TTLL11: variants seen among roughly 807,000 people sequenced by gnomAD.
TTLL11 encodes the protein tubulin tyrosine ligase like 11, also known as tubulin polyglutamylase TTLL11.
TTLL11 carries 42 observed loss-of-function variants against 51.7 expected under a neutral mutation model. The ratio of observed to expected loss-of-function variants is 0.81; its 90% CI spans 0.64 to 1.05. TTLL11 has a LOEUF of 1.05. Among genes scored for constraint, TTLL11 ranks in the 50% least tolerant of loss-of-function variants. The pLI is 0.00. For synonymous variants in TTLL11, 381 were observed against 383.5 expected, an observed-to-expected ratio of 0.99 and a Z score of 0.08; for missense variants, 799 against 940.4, an observed-to-expected ratio of 0.85 and a Z score of 1.97.
At chr9:121,971,183 G>A (rs1257792557) in intron 6 of TTLL11, among the ~76,000 whole-genome samples, 3 of 88,562 alleles carry the variant, frequency 3.4e-5, no homozygotes, top group Admixed American at 1.1e-4. Flanking sequence ...TCAGCCCCCC[G>A]CCCGGCCAGC....
chr9:121,887,993 T>C (rs1013111156), intron 6 of TTLL11, among the ~76,000 whole-genome samples: 1 of 152,140 alleles, frequency 6.6e-6, no homozygotes, highest in Non-Finnish European at 1.5e-5. Context: ...CTGCCCTGGC[T>C]ATTGGAACCT....
chr9:122,035,708 C>A (rs530485123), intron 2 of TTLL11, among the ~76,000 whole-genome samples: 1 of 152,192 alleles, frequency 6.6e-6, no homozygotes, highest in Non-Finnish European at 1.5e-5. Context: ...GCAGCAGACT[C>A]TTAGCTACAT....
chr9:121,891,304 C>T (rs1306693604), intron 6 of TTLL11, among the ~76,000 whole-genome samples: 3 of 152,272 alleles, frequency 2.0e-5, no homozygotes, highest in Admixed American at 6.5e-5. Flanking sequence ...GAAACAATGG[C>T]GATGCCACTC....
At chr9:121,851,674 C>T (rs1049980032) in intron 8 of TTLL11, among the ~76,000 whole-genome samples, 14 of 152,186 alleles carry the variant, frequency 9.2e-5, no homozygotes, top group South Asian at 2.1e-4. Context: ...GCCCCTAACC[C>T]GTCCCATCCT....
chr9:121,880,047 C>T (rs1838725222), intron 6 of TTLL11, among the ~76,000 whole-genome samples: 1 of 151,918 alleles, frequency 6.6e-6, no homozygotes. Context: ...CCAGAGTGGC[C>T]AAAATTCTGA....
chr9:121,938,517 A>G (rs1363108567), intron 6 of TTLL11, among the ~76,000 whole-genome samples: 1 of 152,230 alleles, frequency 6.6e-6, no homozygotes. Context: ...CTAAGAGACC[A>G]TATGTATAAC....
At chr9:121,867,395 C>T (rs1276584390) in intron 7 of TTLL11, among the ~76,000 whole-genome samples, 3 of 152,198 alleles carry the variant, frequency 2.0e-5, no homozygotes, top group Non-Finnish European at 4.4e-5. Context: ...CTTGTCTACC[C>T]AGCCCTCTGT....
Position 121,821,063 on chromosome 9 carries a change from G to A in TTLL11, c.*1524C>T, listed in dbSNP as rs886416957. Among the ~76,000 whole-genome samples the A allele has an allele frequency of 3.3e-5, 5 of 152,034 alleles. No individual in the cohort carries two copies. Among genetic ancestry groups the A allele is most frequent in the Non-Finnish European group, 5.9e-5 (4 of 67,996 alleles). On this transcript the variant is annotated 3_prime_UTR_variant, in exon 9 of 9. Transcript: ENST00000321582. The surrounding 1 kb of genome is among the most constrained non-coding windows in gnomAD (Gnocchi z 5.0). ...ACAGAGCAGCCCCTGCTCTGAAATC[G>A]CTTGCCAACAATTGGAGACATCTTG...
intron 6 of TTLL11, among the ~76,000 whole-genome samples, chr9:121,902,407 T>C (rs994790132): frequency 6.6e-6 from 1 of 152,210 alleles, no homozygotes; most frequent in African/African-American, 2.4e-5. Context: ...ACTTTTTCCA[T>C]TGTTCTGTGC....
chr9:121,862,612 C>T (rs1332187227), intron 7 of TTLL11, among the ~76,000 whole-genome samples: 1 of 152,184 alleles, frequency 6.6e-6, no homozygotes, highest in Non-Finnish European at 1.5e-5. Flanking sequence ...GCTCTCTCTT[C>T]AGACTGGAAG....
At chr9:122,037,649 A>G (rs1844740259) in intron 2 of TTLL11, among the ~76,000 whole-genome samples, 1 of 152,174 alleles carries the variant, frequency 6.6e-6, no homozygotes, top group Non-Finnish European at 1.5e-5. Flanking sequence ...TCTGTGGGGC[A>G]TCTAAGCCAA....
chr9:121,831,537 A>G (rs1837011450), intron 8 of TTLL11, among the ~76,000 whole-genome samples: 1 of 152,044 alleles, frequency 6.6e-6, no homozygotes, highest in Admixed American at 6.5e-5. Context: ...CGTCTCTACT[A>G]AATATACAAA....
chr9:122,060,966 C>T (rs1845419347), intron 1 of TTLL11, among the ~76,000 whole-genome samples: 1 of 152,180 alleles, frequency 6.6e-6, no homozygotes. Context: ...TTTATTCTCT[C>T]ACAGCTCTGG....
rs75293609 is a variant in TTLL11, at chr9:122,054,730, A to G, written c.463-15362T>C. On this transcript the variant is annotated intron_variant, in intron 1 of 8. Transcript: ENST00000321582. ...TGCAAATTATCAACAGTAATCTCCC[A>G]GTTCTCTACTTCCTCACAGTTGGTA... 1.0e-3 allele frequency among the ~76,000 whole-genome samples: 154 copies of G among 152,298 alleles called. 2 individuals are homozygous for G. In the East Asian group the frequency reaches 0.025, roughly 24 times the overall value.
rs1343089821 is a variant in TTLL11 at position 121,819,740 on chromosome 9, C to A, written c.*2847G>T. ...GTGCCGTGCCTCTGGGCCAGCCAGA[C>A]TCCCGGCTCTACTTCCTATCTTCTC... On this transcript the variant is annotated 3_prime_UTR_variant, in exon 9 of 9. Transcript: ENST00000321582. Among the ~76,000 whole-genome samples the A allele has an allele frequency of 6.6e-6, 1 of 152,152 alleles. No homozygotes were observed. Among genetic ancestry groups the A allele is most frequent in the Non-Finnish European group, 1.5e-5 (1 of 68,020 alleles).
chr9:122,010,691 C>T (rs16911250), intron 3 of TTLL11, among the ~76,000 whole-genome samples: 2,430 of 152,338 alleles, frequency 0.016, 45 homozygotes, highest in African/African-American at 0.055. Flanking sequence ...AATCGAAGGA[C>T]AGCTTTCCAT....
chr9:121,944,886 C>T (rs1841608269), intron 6 of TTLL11, among the ~76,000 whole-genome samples: 1 of 152,126 alleles, frequency 6.6e-6, no homozygotes. Flanking sequence ...TTGCAAAGAA[C>T]CCACACTGCT....
At chr9:121,863,926 G>A (rs981410044) in intron 7 of TTLL11, among the ~76,000 whole-genome samples, 1 of 152,178 alleles carries the variant, frequency 6.6e-6, no homozygotes, top group Non-Finnish European at 1.5e-5. Context: ...CCAGTCCAGG[G>A]CTGCAGGAGG....
intron 4 of TTLL11, among the ~76,000 whole-genome samples, chr9:121,985,824 G>A (rs886809601): frequency 6.6e-6 from 1 of 152,112 alleles, no homozygotes; most frequent in African/African-American, 2.4e-5. Flanking sequence ...CCGGCCCAAG[G>A]ATACCATTTT....
Sources: allele counts gnomAD v4.1 joint callset (sites outside exome capture counted in the v4.1 genomes callset), GRCh38; gene constraint gnomAD v4.1.1; non-coding constraint Gnocchi (gnomAD v3.1); transcripts MANE v1.5; gene names NCBI Gene and HGNC (gene_info 2026-07-23, HGNC 2026-07-21).